ESRRG: variants seen among roughly 807,000 people sequenced by gnomAD.
ESRRG encodes the protein estrogen-related receptor gamma.
Under a neutral mutation model 44.0 loss-of-function variants are expected in ESRRG, and 13 were observed. The ratio of observed to expected loss-of-function variants is 0.30; its 90% CI spans 0.19 to 0.47. The LOEUF is 0.47. Ranked by LOEUF, ESRRG falls within the 20% of genes least tolerant of loss-of-function variation. The probability of loss-of-function intolerance (pLI) is 1.00; values close to 1 mark genes in which losing one functional copy is unlikely to be tolerated. For synonymous variants in ESRRG, 215 were observed against 214.6 expected, an observed-to-expected ratio of 1.00 and a Z score of -0.02; for missense variants, 395 against 580.6, an observed-to-expected ratio of 0.68 and a Z score of 3.29.
At chr1:216,886,712 GCTTT>G (rs1287038004) in intron 2 of ESRRG, among the ~76,000 whole-genome samples, 2 of 151,846 alleles carry the variant, frequency 1.3e-5, no homozygotes, top group African/African-American at 4.8e-5. Context: ...TTATAACACT[GCTTT>G]CTTTCTTTCT....
At chr1:216,715,992 ATT>A (rs1296350392) in intron 1 of ESRRG, among the ~76,000 whole-genome samples, 1 of 151,980 alleles carries the variant, frequency 6.6e-6, no homozygotes, top group Non-Finnish European at 1.5e-5. Context: ...TTATATTTTA[ATT>A]TTCTTTTGTT....
In ESRRG at chr1:216,677,327, C is replaced by A. The variant is rs753562164; in HGVS notation, c.221G>T (p.Gly74Val). Residue 74 changes from glycine to valine, a missense_variant, in exon 2 of 7, where the codon GGC becomes GTC. Gly to Val is a moderately radical substitution (Grantham distance 109, BLOSUM62 -3). Coordinates refer to ENST00000408911, the MANE Select transcript of ESRRG (RefSeq NM_001438.4). The stretch of plus-strand genomic sequence containing the variant: ...TGGCGAGTCAAGTCCGTTCTGATGG[C>A]CATTCATGGTTGAACTGTAGCTCCC... ...ASGSYSSTMN[G>V]HQNGLDSPPL... 4 of 1,614,018 alleles carry A rather than the reference C, an allele frequency of 2.5e-6. No homozygotes were observed. Among genetic ancestry groups the A allele is most frequent in the Non-Finnish European group, 3.4e-6 (4 of 1,180,040 alleles).
At chr1:216,520,322 GTGT>G (rs1213297085) in intron 5 of ESRRG, among the ~76,000 whole-genome samples, 1 of 152,092 alleles carries the variant, frequency 6.6e-6, no homozygotes, top group Non-Finnish European at 1.5e-5. Context: ...AATTCAGTAA[GTGT>G]TGTTGTATGA....
chr1:216,624,584 G>A (rs552861984), intron 3 of ESRRG, among the ~76,000 whole-genome samples: 11 of 152,242 alleles, frequency 7.2e-5, no homozygotes, highest in Non-Finnish European at 1.2e-4. Flanking sequence ...AAATCACACA[G>A]AGACAAAGGG....
Position 216,884,704 on chromosome 1 carries a change from G to A in ESRRG, c.-14+54878C>T, listed in dbSNP as rs138275791. Among the ~76,000 whole-genome samples, 725 of 152,210 alleles carry A rather than the reference G, an allele frequency of 4.8e-3. 6 individuals carry two copies. The highest frequency in any genetic ancestry group is 0.017 in the African/African-American group (686 of 41,520). ...AGATCCAAAGAGAAATGGACATTAC[G>A]TCTCCTTTAGAACATGCCTGAACAC... is the stretch of plus-strand genomic sequence containing the variant. On this transcript the variant is annotated intron_variant, in intron 2 of 7. Coordinates refer to the ESRRG transcript ENST00000359162.
At chr1:216,967,241 G>A (rs1458718323) in intron 1 of ESRRG, among the ~76,000 whole-genome samples, 1 of 151,948 alleles carries the variant, frequency 6.6e-6, no homozygotes, top group Non-Finnish European at 1.5e-5. Context: ...CATTGACACA[G>A]CATTTCCACC....
intron 1 of ESRRG, among the ~76,000 whole-genome samples, chr1:216,976,624 C>A (rs901122147): frequency 6.6e-6 from 1 of 152,108 alleles, no homozygotes; most frequent in African/African-American, 2.4e-5. Context: ...ACAAAGGTAG[C>A]ATTCATCTCT....
At position 216,694,190 on chromosome 1, in the gene ESRRG, T is replaced by C. The variant is rs80226766; in HGVS notation, c.57-16699A>G. ...AAAGCTGTTAAATGGAAGGTATATCTCATTGTGAATGTTAAGAAGATTAAA... is the reference window on the plus strand; with the variant it reads ...AAAGCTGTTAAATGGAAGGTATATCCCATTGTGAATGTTAAGAAGATTAAA... On this transcript the variant is annotated intron_variant, in intron 1 of 6. Transcript: ENST00000408911. Among the ~76,000 whole-genome samples, 471 of 152,278 alleles carry C rather than the reference T, an allele frequency of 3.1e-3. 3 individuals are homozygous for C. Among genetic ancestry groups the C allele is most frequent in the African/African-American group, 8.4e-3 (349 of 41,554 alleles).
intron 2 of ESRRG, among the ~76,000 whole-genome samples, chr1:216,892,771 C>T (rs184112981): frequency 1.3e-5 from 2 of 152,278 alleles, no homozygotes; most frequent in East Asian, 3.9e-4. Context: ...TCAGCTATTA[C>T]AGCAATTACA....
At chr1:216,829,220 C>G (rs939688222) in intron 2 of ESRRG, among the ~76,000 whole-genome samples, 1 of 152,102 alleles carries the variant, frequency 6.6e-6, no homozygotes. Context: ...AGCACCAGAG[C>G]TCCTGACACA....
At chr1:216,585,843 A>C (rs2063662666) in intron 3 of ESRRG, among the ~76,000 whole-genome samples, 1 of 152,156 alleles carries the variant, frequency 6.6e-6, no homozygotes, top group Non-Finnish European at 1.5e-5. Context: ...GATGGAGACC[A>C]TCCTGGCTAA....
At chr1:216,719,157 C>T (rs760172415) in intron 1 of ESRRG, among the ~76,000 whole-genome samples, 14 of 151,950 alleles carry the variant, frequency 9.2e-5, no homozygotes, top group Non-Finnish European at 1.8e-4. Context: ...ATTATGCCTA[C>T]CTTCCAAAAG....
intron 1 of ESRRG, among the ~76,000 whole-genome samples, chr1:217,124,302 C>T (rs1458565059): frequency 6.6e-6 from 1 of 152,136 alleles, no homozygotes; most frequent in East Asian, 1.9e-4. Flanking sequence ...AGGAAAAAAG[C>T]AGTTTGTCTC....
At chr1:216,729,011 A>G (rs780879866) in intron 2 of ESRRG, among the ~76,000 whole-genome samples, 10 of 152,204 alleles carry the variant, frequency 6.6e-5, no homozygotes, top group Non-Finnish European at 1.5e-4. Context: ...AAGGGATTAC[A>G]GGTCATTCTG....
intron 1 of ESRRG, among the ~76,000 whole-genome samples, chr1:217,009,477 A>T (rs2078225398): frequency 6.6e-6 from 1 of 152,160 alleles, no homozygotes; most frequent in Non-Finnish European, 1.5e-5. Flanking sequence ...TTGAAAAGTA[A>T]ACAATCATAA....
intron 1 of ESRRG, among the ~76,000 whole-genome samples, chr1:216,708,243 G>A (rs1575584599): frequency 6.6e-6 from 1 of 151,920 alleles, no homozygotes; most frequent in Non-Finnish European, 1.5e-5. Context: ...TATAAATAAA[G>A]AATGAAGAAA....
chr1:216,713,247 AAACC>A (rs2084018958), intron 1 of ESRRG, among the ~76,000 whole-genome samples: 1 of 152,214 alleles, frequency 6.6e-6, no homozygotes, highest in Non-Finnish European at 1.5e-5. Context: ...TTGAAGAAAA[AAACC>A]AATATCTCTT....
chr1:216,961,334 G>C (rs2150177577), intron 1 of ESRRG, among the ~76,000 whole-genome samples: 1 of 152,092 alleles, frequency 6.6e-6, no homozygotes, highest in East Asian at 1.9e-4. Context: ...CTCTCAGTCA[G>C]CAAAAAGAAA....
chr1:216,620,689 G>A (rs535858441), intron 3 of ESRRG, among the ~76,000 whole-genome samples: 4 of 152,116 alleles, frequency 2.6e-5, no homozygotes, highest in African/African-American at 4.8e-5. Context: ...GACCCAGGAC[G>A]ATGCTTAAGA....
Sources: allele counts gnomAD v4.1 joint callset (sites outside exome capture counted in the v4.1 genomes callset), GRCh38; gene constraint gnomAD v4.1.1; transcripts MANE v1.5; gene names NCBI Gene and HGNC (gene_info 2026-07-23, HGNC 2026-07-21).